The following EYS variants were observed in gnomAD, a reference collection of about 807,000 sequenced individuals.
EYS encodes EGF-like photoreceptor maintenance factor, also known as protein eyes shut homolog.
In EYS, 250 loss-of-function variants were observed where a neutral mutation model predicts 282.1. The ratio of observed to expected loss-of-function variants is 0.89; its 90% CI spans 0.80 to 0.98. EYS has a LOEUF of 0.98. Ranked by LOEUF, EYS falls within the 50% of genes least tolerant of loss-of-function variation. The pLI is 0.00. For synonymous variants in EYS, 1,355 were observed against 1,282.9 expected, an observed-to-expected ratio of 1.06 and a Z score of -1.20; for missense variants, 4,016 against 3,709.0, an observed-to-expected ratio of 1.08 and a Z score of -2.15.
intron 14 of EYS, among the ~76,000 whole-genome samples, chr6:64,964,856 AT>A (rs1375269692): frequency 6.6e-6 from 1 of 151,862 alleles, no homozygotes; most frequent in Non-Finnish European, 1.5e-5. Context: ...ACATGGTGAA[AT>A]CCCCATCTCT....
chr6:64,090,150 A>G (rs1246864693), intron 31 of EYS, among the ~76,000 whole-genome samples: 1 of 152,144 alleles, frequency 6.6e-6, no homozygotes, highest in African/African-American at 2.4e-5. Context: ...ATGAAAAACT[A>G]TCAATATTTC....
chr6:64,985,777 T>A (rs1583361267), intron 14 of EYS, among the ~76,000 whole-genome samples: 2 of 151,496 alleles, frequency 1.3e-5, no homozygotes, highest in African/African-American at 4.8e-5. Context: ...CTGGCAATCT[T>A]AGACTGAATT....
At chr6:64,132,479 T>G (rs1451705929) in intron 31 of EYS, among the ~76,000 whole-genome samples, 2 of 151,992 alleles carry the variant, frequency 1.3e-5, no homozygotes, top group Non-Finnish European at 2.9e-5. Flanking sequence ...ATCTCTTTTC[T>G]TGCAAGAGTT....
At chr6:64,390,066 G>A (rs1051897430) in intron 28 of EYS, among the ~76,000 whole-genome samples, 27 of 151,924 alleles carry the variant, frequency 1.8e-4, no homozygotes, top group Admixed American at 9.2e-4. Context: ...CTTTTCCAAC[G>A]GGCTTAAAAA....
chr6:65,108,089 A>C (rs1341422835), intron 12 of EYS, among the ~76,000 whole-genome samples: 1 of 152,114 alleles, frequency 6.6e-6, no homozygotes. Flanking sequence ...TAGCATTTAC[A>C]ATGCTAGTCT....
intron 28 of EYS, among the ~76,000 whole-genome samples, chr6:64,426,409 G>A (rs1774411425): frequency 6.6e-6 from 1 of 152,172 alleles, no homozygotes; most frequent in African/African-American, 2.4e-5. Flanking sequence ...GGACTGAATA[G>A]TAAAGAACAA....
chr6:64,442,692 C>T (rs771743843), intron 26 of EYS, among the ~76,000 whole-genome samples: 1 of 152,184 alleles, frequency 6.6e-6, no homozygotes, highest in Non-Finnish European at 1.5e-5. Flanking sequence ...CAAGGTACAG[C>T]TTGAGCCATT....
chr6:63,765,764 G>T (rs1769772804), intron 40 of EYS, among the ~76,000 whole-genome samples: 1 of 151,704 alleles, frequency 6.6e-6, no homozygotes, highest in African/African-American at 2.4e-5. Flanking sequence ...CTAGTTTTTT[G>T]TACCCATTAA....
chr6:65,029,840 A>C (rs1421642631), intron 13 of EYS, among the ~76,000 whole-genome samples: 1 of 152,160 alleles, frequency 6.6e-6, no homozygotes, highest in Non-Finnish European at 1.5e-5. Flanking sequence ...AATGGGGAGC[A>C]ATCTGGAATC....
intron 26 of EYS, among the ~76,000 whole-genome samples, chr6:64,466,974 T>C (rs1775940610): frequency 6.6e-6 from 1 of 152,174 alleles, no homozygotes; most frequent in African/African-American, 2.4e-5. Flanking sequence ...AGAAGACATT[T>C]GTATAACTTA....
chr6:63,959,026 A>T (rs1765942255), intron 35 of EYS, among the ~76,000 whole-genome samples: 1 of 152,198 alleles, frequency 6.6e-6, no homozygotes, highest in Non-Finnish European at 1.5e-5. Context: ...TTGACTTTCA[A>T]GTCTTATTAT....
At position 64,050,198 on chromosome 6, in the gene EYS, C is replaced by CCT. The variant is rs200515827; in HGVS notation, c.6725+16139_6725+16140insAG. 9.2e-3 allele frequency among the ~76,000 whole-genome samples: 1,396 copies of CCT among 152,278 alleles called. 31 individuals are homozygous for CCT. Among genetic ancestry groups the CCT allele is most frequent in the African/African-American group, 0.031 (1,287 of 41,546 alleles). ...ATTCCTTCATTCTTCAAATGACAGGCTTCTTCTCATCCAAGTATCTCTGAT... is the reference window on the plus strand; with the variant it reads ...ATTCCTTCATTCTTCAAATGACAGGCCTTTCTTCTCATCCAAGTATCTCTGAT... On this transcript the variant is annotated intron_variant, in intron 33 of 42. Coordinates refer to ENST00000503581, the MANE Select transcript of EYS (RefSeq NM_001142800.2).
At chr6:64,740,244 T>C (rs1772326800) in intron 22 of EYS, among the ~76,000 whole-genome samples, 1 of 152,182 alleles carries the variant, frequency 6.6e-6, no homozygotes, top group African/African-American at 2.4e-5. Flanking sequence ...TTCCTAAATC[T>C]TGAAATACTT....
At chr6:64,664,896 A>G (rs1231418226) in intron 22 of EYS, among the ~76,000 whole-genome samples, 1 of 152,212 alleles carries the variant, frequency 6.6e-6, no homozygotes, top group Non-Finnish European at 1.5e-5. Context: ...TTATATAGCA[A>G]CCTGAACAGA....
chr6:65,450,178 T>C (rs956829588), intron 5 of EYS, among the ~76,000 whole-genome samples: 5 of 152,150 alleles, frequency 3.3e-5, no homozygotes, highest in African/African-American at 1.2e-4. Context: ...GTGATTACTG[T>C]CATCAGAATC....
chr6:65,014,704 G>T (rs894132331), intron 13 of EYS, among the ~76,000 whole-genome samples: 1 of 152,124 alleles, frequency 6.6e-6, no homozygotes, highest in Non-Finnish European at 1.5e-5. Flanking sequence ...GATTTTAAGG[G>T]AGTTTATTTT....
At chr6:65,456,408 C>G (rs1764619590) in intron 5 of EYS, among the ~76,000 whole-genome samples, 1 of 151,490 alleles carries the variant, frequency 6.6e-6, no homozygotes, top group Admixed American at 6.6e-5. Context: ...CGAGATCACA[C>G]CACTGCACTC....
intron 12 of EYS, among the ~76,000 whole-genome samples, chr6:65,080,025 A>T (rs1295072904): frequency 1.3e-5 from 2 of 152,108 alleles, no homozygotes; most frequent in Non-Finnish European, 2.9e-5. Context: ...AGGATTTTTG[A>T]ATTGGAACCA....
chr6:65,377,702 G>T (rs796804998), intron 8 of EYS, among the ~76,000 whole-genome samples: 3 of 151,992 alleles, frequency 2.0e-5, no homozygotes, highest in Admixed American at 6.6e-5. Context: ...TATCAACACC[G>T]ATCCCACAGA....
Sources: allele counts gnomAD v4.1 joint callset (sites outside exome capture counted in the v4.1 genomes callset), GRCh38; gene constraint gnomAD v4.1.1; transcripts MANE v1.5; gene names NCBI Gene and HGNC (gene_info 2026-07-23, HGNC 2026-07-21).